The following SLC15A5 variants were observed in gnomAD, a reference collection of about 807,000 sequenced individuals.
SLC15A5 encodes the protein solute carrier family 15 member 5.
A neutral mutation model predicts 56.1 loss-of-function variants in SLC15A5; 58 were observed. The ratio of observed to expected loss-of-function variants is 1.03; its 90% CI spans 0.84 to 1.29. SLC15A5 has a LOEUF of 1.29. SLC15A5 is among the 50% of genes most tolerant of loss of function. SLC15A5 has a pLI of 0.00. For synonymous variants in SLC15A5, 264 were observed against 250.5 expected (o/e 1.05, Z -0.51); for missense variants, 681 against 672.1 (o/e 1.01, Z -0.15).
At chr12:16,270,519 A>G (rs1864741469) in intron 2 of SLC15A5, among the ~76,000 whole-genome samples, 1 of 152,154 alleles carries the variant, frequency 6.6e-6, no homozygotes, top group African/African-American at 2.4e-5. Context: ...CATTTAGACA[A>G]TGGTTTCAGC....
At chr12:16,266,146 T>A (rs541930747) in intron 2 of SLC15A5, among the ~76,000 whole-genome samples, 1 of 152,346 alleles carries the variant, frequency 6.6e-6, no homozygotes, top group South Asian at 2.1e-4. Flanking sequence ...AGTTATAATT[T>A]TCTAGGACAA....
chr12:16,275,374 G>A (rs1257199702), intron 1 of SLC15A5, among the ~76,000 whole-genome samples: 1 of 152,114 alleles, frequency 6.6e-6, no homozygotes, highest in Non-Finnish European at 1.5e-5. Context: ...CTTAGAATAG[G>A]TTGGTAAGGT....
intron 7 of SLC15A5, among the ~76,000 whole-genome samples, chr12:16,201,628 G>A (rs1473760875): frequency 1.3e-5 from 2 of 152,064 alleles, no homozygotes; most frequent in Non-Finnish European, 2.9e-5. Flanking sequence ...GAGTTATCAG[G>A]AGATCTGATG....
At chr12:16,256,918 ATAGATAG>A (rs2136806453) in intron 3 of SLC15A5, among the ~76,000 whole-genome samples, 1 of 14,480 alleles carries the variant, frequency 6.9e-5, no homozygotes, top group East Asian at 0.038. Flanking sequence ...TGGGGAATAG[ATAGATAG>A]ATAGATAGAT....
intron 2 of SLC15A5, among the ~76,000 whole-genome samples, chr12:16,266,750 CCTCTCA>C (rs1283969470): frequency 2.0e-5 from 3 of 152,160 alleles, no homozygotes; most frequent in African/African-American, 7.2e-5. Flanking sequence ...TTATAAAGCA[CCTCTCA>C]CACAAAAAGT....
chr12:16,228,344 G>T (rs1864262819), intron 5 of SLC15A5, among the ~76,000 whole-genome samples: 1 of 152,236 alleles, frequency 6.6e-6, no homozygotes, highest in South Asian at 2.1e-4. Flanking sequence ...AGACAATGAA[G>T]TAAAAGTGCT....
At chr12:16,249,287 T>C (rs1178760857) in intron 3 of SLC15A5, among the ~76,000 whole-genome samples, 1 of 152,054 alleles carries the variant, frequency 6.6e-6, no homozygotes, top group Non-Finnish European at 1.5e-5. Flanking sequence ...ATATAAAAAA[T>C]CATTTCTTTA....
intron 3 of SLC15A5, among the ~76,000 whole-genome samples, chr12:16,255,414 T>C (rs940182407): frequency 3.9e-5 from 6 of 152,052 alleles, no homozygotes; most frequent in African/African-American, 9.7e-5. Context: ...CACTCTCAAA[T>C]TGGCAAAAAT....
Position 16,189,820 on chromosome 12 carries a change from A to AAAAG in SLC15A5, c.1593-9_1593-6dup, listed in dbSNP as rs540311799. The AAAAG allele has an allele frequency of 1.4e-6, 2 of 1,474,156 alleles. No individual in the cohort carries two copies. The highest frequency in any genetic ancestry group is 9.0e-7 in the Non-Finnish European group (1 of 1,117,218). The allele number at this position is 1,474,156 out of a possible 1,614,324, so 91.3% of individuals were successfully genotyped here. ...AAATGATTTAGATTACAATATCTAAAAAAGAAAGAAAGAAAGCTTTTCTTA... is the reference window on the plus strand; with the variant it reads ...AAATGATTTAGATTACAATATCTAAAAAAGAAAGAAAGAAAGAAAGCTTTTCTTA... On this transcript the variant is annotated splice_region_variant and splice_polypyrimidine_tract_variant and intron_variant, in intron 8 of 8. Transcript: ENST00000344941.
intron 3 of SLC15A5, 94 bp downstream of exon 3, chr12:16,257,606 AG>A (rs1382335470): frequency 1.4e-5 from 14 of 1,016,942 alleles, no homozygotes; most frequent in Non-Finnish European, 1.7e-5. Flanking sequence ...TCAAATTCTG[AG>A]TTGAAAGAGA....
rs1013233858 is a variant in SLC15A5 at position 16,239,817 on chromosome 12, A to T, written c.1026T>A (p.Asp342Glu). ...LQTMNSNLNL[D>E]GFLLPIAVMN... Reference sequence around the variant, plus strand: ...TTACTGCAATCGGCAGAAGAAATCCATCCAAATTCAGGTTGGAATTCATAG... The same window carrying T: ...TTACTGCAATCGGCAGAAGAAATCCTTCCAAATTCAGGTTGGAATTCATAG... Residue 342 changes from aspartate (D) to glutamate (E), a missense_variant, in exon 5 of 9, where the codon GAT becomes GAA. Coordinates refer to ENST00000344941, the MANE Select transcript of SLC15A5 (RefSeq NM_001170798.1). The T allele has an allele frequency of 2.0e-6, 3 of 1,537,242 alleles. No individual in the cohort carries two copies. In the Admixed American group the frequency reaches 5.9e-5, roughly 30 times the overall value.
chr12:16,238,328 T>G (rs1864372019), intron 5 of SLC15A5, among the ~76,000 whole-genome samples: 1 of 152,026 alleles, frequency 6.6e-6, no homozygotes, highest in Non-Finnish European at 1.5e-5. Flanking sequence ...CTCCTAAGTC[T>G]CTTAATAAGA....
At position 16,224,416 on chromosome 12, in the gene SLC15A5, G is replaced by T; in HGVS notation, c.1349C>A (p.Ala450Asp). Residue 450 changes from alanine to aspartate, a missense_variant and splice_region_variant, in exon 6 of 9, where the codon GCC (alanine) becomes GAC (aspartate). Physicochemically the swap from Ala to Asp is moderately radical, Grantham distance 126 (BLOSUM62 -2). Coordinates refer to ENST00000344941, the MANE Select transcript of SLC15A5 (RefSeq NM_001170798.1). ...LGVAETLVNPALSVISYRFVP... is the reference protein window; with the variant it reads ...LGVAETLVNPDLSVISYRFVP... Reference sequence around the variant, plus strand: ...TAGTTGAAAAGGTGTTTACTCACGGGCTGGGTTTACCAGTGTTTCCGCCAC... The same window carrying T: ...TAGTTGAAAAGGTGTTTACTCACGGTCTGGGTTTACCAGTGTTTCCGCCAC... 2 of 1,536,798 alleles carry T rather than the reference G, an allele frequency of 1.3e-6. No individual in the cohort carries two copies. Among genetic ancestry groups the T allele is most frequent in the Non-Finnish European group, 1.7e-6 (2 of 1,146,632 alleles).
At position 16,272,675 on chromosome 12, in the gene SLC15A5, A is replaced by G; in HGVS notation, c.470T>C (p.Val157Ala). 1 of 1,537,132 alleles carries G rather than the reference A, an allele frequency of 6.5e-7. No homozygotes were observed. Among genetic ancestry groups the G allele is most frequent in the Non-Finnish European group, 8.7e-7 (1 of 1,146,742 alleles). Reference sequence around the variant, plus strand: ...GCCAAGGCAAATGGTCAGCAGTGCTACATAAAACAGCCTGTGCTGCTCTGT... The same window carrying G: ...GCCAAGGCAAATGGTCAGCAGTGCTGCATAAAACAGCCTGTGCTGCTCTGT... ...PKTEQHRLFY[V>A]ALLTICLGIG... Residue 157 changes from valine to alanine, a missense_variant, in exon 2 of 9, where the codon GTA (valine) becomes GCA (alanine). Coordinates refer to ENST00000344941, the MANE Select transcript of SLC15A5 (RefSeq NM_001170798.1).
chr12:16,197,532 C>T (rs115644607), intron 7 of SLC15A5, among the ~76,000 whole-genome samples: 260 of 152,218 alleles, frequency 1.7e-3, no homozygotes, highest in African/African-American at 6.1e-3. Context: ...GCCTCAGTTT[C>T]TCTTCTATGA....
At chr12:16,236,593 T>C (rs1231859476) in intron 5 of SLC15A5, among the ~76,000 whole-genome samples, 1 of 152,220 alleles carries the variant, frequency 6.6e-6, no homozygotes, top group Admixed American at 6.5e-5. Context: ...TATAAATTTC[T>C]AGTTTGACCA....
intron 6 of SLC15A5, 42 bp downstream of exon 6, chr12:16,224,372 G>A (rs1453265357): frequency 2.0e-6 from 3 of 1,519,814 alleles, no homozygotes; most frequent in Non-Finnish European, 2.6e-6. Flanking sequence ...CTGTGTAAAG[G>A]TTCAGTATGT....
intron 2 of SLC15A5, among the ~76,000 whole-genome samples, chr12:16,263,130 A>T (rs1864659018): frequency 6.6e-6 from 1 of 152,170 alleles, no homozygotes; most frequent in African/African-American, 2.4e-5. Flanking sequence ...AAGACAGGAA[A>T]ATGTGGGAAA....
At chr12:16,200,595 A>C (rs1042428323) in intron 7 of SLC15A5, among the ~76,000 whole-genome samples, 1 of 152,116 alleles carries the variant, frequency 6.6e-6, no homozygotes, top group East Asian at 1.9e-4. Context: ...TTTCAATAAC[A>C]TTAGAAATAA....
Sources: gnomAD v4.1 joint callset for allele counts (sites outside exome capture counted in the v4.1 genomes callset) on GRCh38, gnomAD v4.1.1 for gene constraint, MANE v1.5 for transcripts, NCBI Gene and HGNC (gene_info 2026-07-23, HGNC 2026-07-21) for gene names.